HACD2: variants seen among roughly 807,000 people sequenced by gnomAD.
HACD2 encodes 3-hydroxyacyl-CoA dehydratase 2, also known as very-long-chain (3R)-3-hydroxyacyl-CoA dehydratase 2.
Under a neutral mutation model 31.0 loss-of-function variants are expected in HACD2, and 15 were observed. The ratio of observed to expected loss-of-function variants is 0.48; its 90% CI spans 0.32 to 0.75. The LOEUF (loss-of-function observed/expected upper bound fraction) is 0.75, where lower values mean the gene tolerates loss of function less well. Among genes scored for constraint, HACD2 ranks in the 30% least tolerant of loss-of-function variants. The pLI, the probability that HACD2 is intolerant of heterozygous loss-of-function variation, is 0.03. For synonymous variants in HACD2, 115 were observed against 122.2 expected (o/e 0.94, Z 0.39); for missense variants, 283 against 313.0 (o/e 0.90, Z 0.72).
chr3:123,574,236 G>A (rs966001754), intron 2 of HACD2, among the ~76,000 whole-genome samples: 3 of 152,134 alleles, frequency 2.0e-5, no homozygotes, highest in Non-Finnish European at 1.5e-5. Flanking sequence ...GTGAACTAAG[G>A]TTCTCTTCAG....
intron 4 of HACD2, among the ~76,000 whole-genome samples, chr3:123,519,611 G>C (rs540782110): frequency 6.6e-6 from 1 of 152,130 alleles, no homozygotes. Flanking sequence ...ATAGGTACTG[G>C]TATTCTTGTC....
Position 123,492,071 on chromosome 3 carries a change from C to T in HACD2, c.*2817G>A, listed in dbSNP as rs2107672356. On this transcript the variant is annotated 3_prime_UTR_variant, in exon 7 of 7. Transcript: ENST00000383657. Reference sequence around the variant, plus strand: ...CTGCTCTGGAGACTTTTTTCATCTGCAAGGACAGTGCTTTATTCCATGACT... The same window carrying T: ...CTGCTCTGGAGACTTTTTTCATCTGTAAGGACAGTGCTTTATTCCATGACT... 1 of 152,288 alleles carries T rather than the reference C, an allele frequency of 6.6e-6. No homozygotes were observed. The highest frequency in any genetic ancestry group is 1.5e-5 in the Non-Finnish European group (1 of 68,018). The allele number at this position is 152,288 out of a possible 1,614,324, so 9.4% of individuals were successfully genotyped here.
rs2056742032 is a variant in HACD2, at chr3:123,562,366, T to C, written c.292+5396A>G. The stretch of plus-strand genomic sequence containing the variant: ...TTGCCAAGTTGCATTGTCACAACCG[T>C]GAGCAAGACGCAACCCCAACTCATA... On this transcript the variant is annotated intron_variant, in intron 3 of 6. Transcript: ENST00000383657. Among the ~76,000 whole-genome samples, 8 of 152,296 alleles carry C rather than the reference T, an allele frequency of 5.3e-5. No individual in the cohort carries two copies. The South Asian group carries it at 1.7e-3, about 32-fold the overall frequency.
At chr3:123,570,164 A>G (rs574256035) in intron 2 of HACD2, among the ~76,000 whole-genome samples, 9 of 152,174 alleles carry the variant, frequency 5.9e-5, no homozygotes, top group Non-Finnish European at 1.3e-4. Flanking sequence ...TTAATCACAC[A>G]TATTTTATAA....
rs2055892392 is a variant in HACD2 at position 123,500,704 on chromosome 3, AC to A, written c.504-12del. On this transcript the variant is annotated splice_polypyrimidine_tract_variant and intron_variant, in intron 5 of 6. Coordinates refer to ENST00000383657, the MANE Select transcript of HACD2 (RefSeq NM_198402.5). ...ATGAAAAGTGTGTACCTAAAACAAA[AC>A]AAAATATTCATTACTGAGGCTCAAA... The A allele has an allele frequency of 6.3e-7, 1 of 1,579,200 alleles. No individual in the cohort carries two copies. Among genetic ancestry groups the A allele is most frequent in the Admixed American group, 1.9e-5 (1 of 51,640 alleles).
At chr3:123,559,493 A>C (rs2056705280) in intron 3 of HACD2, among the ~76,000 whole-genome samples, 1 of 152,216 alleles carries the variant, frequency 6.6e-6, no homozygotes, top group Non-Finnish European at 1.5e-5. Flanking sequence ...TTACAGGTTC[A>C]CAGAATTTCA....
chr3:123,566,622 G>T (rs573358560), intron 3 of HACD2, among the ~76,000 whole-genome samples: 1 of 62 alleles, frequency 0.016, no homozygotes, highest in African/African-American at 0.05. Context: ...TTGGCCAGGC[G>T]TGGTGACTGC....
At chr3:123,500,120 C>T (rs950061284) in intron 6 of HACD2, among the ~76,000 whole-genome samples, 1 of 152,246 alleles carries the variant, frequency 6.6e-6, no homozygotes, top group East Asian at 1.9e-4. Context: ...ATATAGTAAC[C>T]AATGCAAAAA....
chr3:123,548,660 C>A (rs1383076067), intron 3 of HACD2, among the ~76,000 whole-genome samples: 1 of 152,008 alleles, frequency 6.6e-6, no homozygotes, highest in Non-Finnish European at 1.5e-5. Context: ...TCTCGCTTGT[C>A]ACTTAGGCTA....
chr3:123,565,138 T>C (rs1036009608), intron 3 of HACD2, among the ~76,000 whole-genome samples: 10 of 152,156 alleles, frequency 6.6e-5, no homozygotes, highest in African/African-American at 2.4e-4. Context: ...TTCGATAATT[T>C]TCTTGGTGTG....
chr3:123,496,616 T>C (rs1030193174), intron 6 of HACD2, among the ~76,000 whole-genome samples: 6 of 152,232 alleles, frequency 3.9e-5, no homozygotes, highest in Non-Finnish European at 5.9e-5. Context: ...CAGAGAACTA[T>C]TTTGGCACGA....
intron 2 of HACD2, among the ~76,000 whole-genome samples, chr3:123,577,661 C>T (rs1350843242): frequency 6.6e-6 from 1 of 150,618 alleles, no homozygotes; most frequent in Non-Finnish European, 1.5e-5. Flanking sequence ...GCTATAATTA[C>T]AGTCTTATGT....
intron 3 of HACD2, among the ~76,000 whole-genome samples, chr3:123,553,206 C>A (rs2056638300): frequency 6.6e-6 from 1 of 151,992 alleles, no homozygotes; most frequent in African/African-American, 2.4e-5. Context: ...TTTACAGAGA[C>A]AGAGAGAGAG....
Position 123,492,376 on chromosome 3 carries a change from C to T in HACD2, c.*2512G>A, listed in dbSNP as rs533369353. ...AAAAACATGACCTTCCTTGTTCACA[C>T]TTTATAAGAAGGTGTGACATTTGGT... On this transcript the variant is annotated 3_prime_UTR_variant, in exon 7 of 7. Coordinates refer to ENST00000383657, the MANE Select transcript of HACD2 (RefSeq NM_198402.5). The T allele has an allele frequency of 2.0e-5, 3 of 152,278 alleles. No individual in the cohort carries two copies. Among genetic ancestry groups the T allele is most frequent in the Admixed American group, 6.5e-5 (1 of 15,290 alleles). 9.4% of individuals were successfully genotyped at this position (152,278 alleles called of 1,614,324 possible).
At chr3:123,522,910 A>G (rs1029044477) in intron 4 of HACD2, among the ~76,000 whole-genome samples, 5 of 152,100 alleles carry the variant, frequency 3.3e-5, no homozygotes, top group African/African-American at 9.7e-5. Flanking sequence ...GTCCAAGCAC[A>G]GGGCCCAAGG....
At chr3:123,507,245 C>T (rs902738622) in intron 4 of HACD2, among the ~76,000 whole-genome samples, 5 of 152,064 alleles carry the variant, frequency 3.3e-5, no homozygotes, top group African/African-American at 1.2e-4. Context: ...ACGAGCAAGA[C>T]CCTGTCTCTT....
intron 2 of HACD2, among the ~76,000 whole-genome samples, chr3:123,570,782 A>G (rs960013361): frequency 1.3e-5 from 2 of 152,176 alleles, no homozygotes; most frequent in African/African-American, 4.8e-5. Context: ...GGAATAGGAG[A>G]GGAATTAGAT....
At chr3:123,518,109 G>A (rs1231901893) in intron 4 of HACD2, among the ~76,000 whole-genome samples, 1 of 11,640 alleles carries the variant, frequency 8.6e-5, no homozygotes, top group African/African-American at 9.7e-5. Flanking sequence ...GGAGAATGGC[G>A]TGAACCCGGG....
rs539481713 is a variant in HACD2 at position 123,551,081 on chromosome 3, T to C, written c.292+16681A>G. On this transcript the variant is annotated intron_variant, in intron 3 of 6. Transcript: ENST00000383657. The stretch of plus-strand genomic sequence containing the variant: ...CAGTAAGGTAAGAAACTGAGGATGT[T>C]CGTACTCTGTGAGGACAGAGGTGAC... Among the ~76,000 whole-genome samples the C allele has an allele frequency of 2.0e-5, 3 of 152,260 alleles. No homozygotes were observed. In the East Asian group the frequency reaches 5.8e-4, roughly 29 times the overall value.
Sources: allele counts gnomAD v4.1 joint callset (sites outside exome capture counted in the v4.1 genomes callset), GRCh38; gene constraint gnomAD v4.1.1; transcripts MANE v1.5; gene names NCBI Gene and HGNC (gene_info 2026-07-23, HGNC 2026-07-21).